Variants in GREP1 observed in about 807,000 individuals in gnomAD.
The protein encoded by GREP1 is glycine-rich extracellular protein 1.
intron 21 of GREP1, chr16:2,997,295 G>C (rs1196779383): frequency 6.3e-5 from 25 of 398,530 alleles, no homozygotes. Context: ...AGGATCCCTG[G>C]TTTCTGACTT....
Position 2,997,063 on chromosome 16 carries a change from G to A in GREP1, c.864G>A (p.Gly288=), listed in dbSNP as rs113902696. The A allele has an allele frequency of 4.9e-4, 195 of 399,196 alleles. 1 individual carries two copies. In the South Asian group the frequency reaches 8.3e-3, roughly 17 times the overall value. The allele number at this position is 399,196 out of a possible 1,614,324, so 24.7% of individuals were successfully genotyped here. ...CTTTCTCTTCACCAGGCTATTTGGG[G>A]GTTATGAAGGCCCAGAAGCCAGGTG... The change falls in exon 21 of 35, where the codon GGG becomes GGA. Residue 288 remains glycine (G), a synonymous_variant. Coordinates refer to ENST00000573315, the Ensembl canonical transcript of GREP1.
At chr16:3,000,522 G>T (rs1313250480) in intron 31 of GREP1, 192 bp from the exon 27 acceptor site, 2 of 399,084 alleles carry the variant, frequency 5.0e-6, no homozygotes, top group African/African-American at 2.1e-5. Flanking sequence ...ACAGCCCAGG[G>T]GCTAGGCGGG....
At position 2,989,383 on chromosome 16, in the gene GREP1, T is replaced by A. The variant is rs908364293; in HGVS notation, c.101-140T>A. Reference sequence around the variant, plus strand: ...TTTGTCCCCTTGTAAGTTCCCCTGCTTCCCCCTGAACCCCACAGGCTTAGG... The same window carrying A: ...TTTGTCCCCTTGTAAGTTCCCCTGCATCCCCCTGAACCCCACAGGCTTAGG... On this transcript the variant is annotated intron_variant, in intron 2 of 34. Transcript: ENST00000573315. This position sits in a 1 kb window ranked among gnomAD's most constrained non-coding sequence, Gnocchi z 4.2. 5.0e-6 allele frequency: 2 copies of A among 398,180 alleles called. No individual in the cohort carries two copies. The highest frequency in any genetic ancestry group is 2.1e-5 in the African/African-American group (1 of 48,606). 24.7% of individuals were successfully genotyped at this position (398,180 alleles called of 1,614,324 possible). A position where few individuals can be genotyped will look rare whatever the true frequency, so the allele number is the denominator to read the frequency against.
Position 2,991,269 on chromosome 16 carries a change from C to G in GREP1, c.322+168C>G, listed in dbSNP as rs1490246797. On this transcript the variant is annotated intron_variant, in intron 8 of 34. Coordinates refer to ENST00000573315, the Ensembl canonical transcript of GREP1. The surrounding 1 kb of genome is among the most constrained non-coding windows in gnomAD (Gnocchi z 4.9). ...GGGAGTGGGCGTGAAACCTCCGAAG[C>G]CAGGTGAGGCAGAGCCCTGCCCCGC... 5.0e-6 allele frequency: 2 copies of G among 396,070 alleles called. No homozygotes were observed. Among genetic ancestry groups the G allele is most frequent in the Non-Finnish European group, 8.9e-6 (2 of 225,150 alleles). The allele number at this position is 396,070 out of a possible 1,614,324, so 24.5% of individuals were successfully genotyped here. A position where few individuals can be genotyped will look rare whatever the true frequency, so the allele number is the denominator to read the frequency against.
intron 34 of GREP1, 65 bp from the exon 29 acceptor site, chr16:3,001,496 G>C: frequency 2.5e-6 from 1 of 399,110 alleles, no homozygotes; most frequent in South Asian, 1.3e-4. Flanking sequence ...TCCCTGGGAG[G>C]GGAGGAGGGG....
chr16:2,988,398 G>T (rs966162878), intron 1 of GREP1, 58 bp downstream of exon 1: 2 of 399,234 alleles, frequency 5.0e-6, no homozygotes, highest in Non-Finnish European at 8.8e-6. Flanking sequence ...ACTGGGGCTG[G>T]GGGTCCAAGT....
At chr16:2,999,781 C>T in intron 27 of GREP1, 121 bp from the exon 25 acceptor site, 3 of 398,236 alleles carry the variant, frequency 7.5e-6, no homozygotes. Flanking sequence ...TCTTCTGGTT[C>T]CATTCCCTGT....
chr16:2,999,414 A>G, intron 27 of GREP1: 1 of 355,604 alleles, frequency 2.8e-6, no homozygotes, highest in Non-Finnish European at 5.0e-6. Context: ...CTTTTTCCCT[A>G]GGCTGCCTAA....
intron 25 of GREP1, 117 bp from the exon 24 acceptor site, chr16:2,998,731 G>C (rs555855709): frequency 4.5e-4 from 180 of 398,560 alleles, no homozygotes; most frequent in Middle Eastern, 1.3e-3. Flanking sequence ...TAAGGTGCTG[G>C]GTCTGCCCTA....
chr16:3,000,573 G>C, exon 32 of GREP1: 1 of 399,038 alleles, frequency 2.5e-6, no homozygotes, highest in Non-Finnish European at 4.4e-6. Context: ...TGGAAGCTCT[G>C]GTGTACCCCA....
At position 2,998,529 on chromosome 16, in the gene GREP1, G is replaced by A. The variant is rs2072439970; in HGVS notation, c.1012+6G>A. On this transcript the variant is annotated splice_donor_region_variant and intron_variant, in intron 25 of 34. Transcript: ENST00000573315. ...TGAAAATGGGCCCTGGCCAGGTGAG[G>A]CCACTGGGACCAGGGGTGGGGGCCC... 2 of 399,044 alleles carry A rather than the reference G, an allele frequency of 5.0e-6. No homozygotes were observed. The highest frequency in any genetic ancestry group is 4.4e-6 in the Non-Finnish European group (1 of 226,142). 24.7% of individuals were successfully genotyped at this position (399,044 alleles called of 1,614,324 possible).
Position 2,989,075 on chromosome 16 carries a change from A to G in GREP1, c.101-448A>G, listed in dbSNP as rs2072385872. 1.3e-5 allele frequency: 3 copies of G among 236,272 alleles called. No individual in the cohort carries two copies. Among genetic ancestry groups the G allele is most frequent in the Non-Finnish European group, 2.4e-5 (3 of 123,476 alleles). 14.6% of individuals were successfully genotyped at this position (236,272 alleles called of 1,614,324 possible). A position where few individuals can be genotyped will look rare whatever the true frequency, so the allele number is the denominator to read the frequency against. ...CCCTGATGCATCTGAGCTTCAGGAG[A>G]GAAAGATGGGGGGCAGAGGTGGTGA... On this transcript the variant is annotated intron_variant, in intron 2 of 34. Transcript: ENST00000573315. This position sits in a 1 kb window ranked among gnomAD's most constrained non-coding sequence, Gnocchi z 4.2.
At position 2,989,636 on chromosome 16, in the gene GREP1, G is replaced by GC. The variant is rs530574191; in HGVS notation, c.130+85dup. On this transcript the variant is annotated intron_variant, in intron 3 of 34. Transcript: ENST00000573315. The surrounding 1 kb of genome is among the most constrained non-coding windows in gnomAD (Gnocchi z 4.2). ...GCAGGACAGGAACAGGGAAAGCTGGGCGGGGGGCAGGTAAAGGGGGAAGCA... is the reference window on the plus strand; with the variant it reads ...GCAGGACAGGAACAGGGAAAGCTGGGCCGGGGGGCAGGTAAAGGGGGAAGCA... 196 of 399,538 alleles carry GC rather than the reference G, an allele frequency of 4.9e-4. No homozygotes were observed. Among genetic ancestry groups the GC allele is most frequent in the African/African-American group, 3.6e-3 (177 of 48,662 alleles). The allele number at this position is 399,538 out of a possible 1,614,324, so 24.7% of individuals were successfully genotyped here.
chr16:2,991,103 T>C lies in GREP1; in HGVS notation c.322+2T>C. On this transcript the variant is annotated splice_donor_variant, in intron 8 of 34. Transcript: ENST00000573315. LOFTEE classifies it high-confidence loss of function. The surrounding 1 kb of genome is among the most constrained non-coding windows in gnomAD (Gnocchi z 4.9). ...TCCCAGTGGCCGGAGCCCAGTCAGG[T>C]GAGGAAACGTCGGGTGTGGCAGGAC... The C allele has an allele frequency of 2.5e-6, 1 of 398,564 alleles. No homozygotes were observed. Among genetic ancestry groups the C allele is most frequent in the East Asian group, 3.6e-5 (1 of 28,022 alleles). The allele number at this position is 398,564 out of a possible 1,614,324, so 24.7% of individuals were successfully genotyped here.
At chr16:2,994,500 A>T in intron 10 of GREP1, 198 bp from the exon 12 acceptor site, 2 of 388,032 alleles carry the variant, frequency 5.2e-6, no homozygotes, top group Non-Finnish European at 9.1e-6. Context: ...CAAGAGCGAG[A>T]CTCCATCTCA....
rs2072398128 is a variant in GREP1, at chr16:2,991,303, C to T, written c.322+202C>T. On this transcript the variant is annotated intron_variant, in intron 8 of 34. Coordinates refer to ENST00000573315, the Ensembl canonical transcript of GREP1. The surrounding 1 kb of genome is among the most constrained non-coding windows in gnomAD (Gnocchi z 4.9). ...GCAGAGCCCTGCCCCGCCTTGCCCACTTATATCCAGGCGCCTCTGGGTCCC... is the reference window on the plus strand; with the variant it reads ...GCAGAGCCCTGCCCCGCCTTGCCCATTTATATCCAGGCGCCTCTGGGTCCC... The T allele has an allele frequency of 2.5e-6, 1 of 392,694 alleles. No individual in the cohort carries two copies. Among genetic ancestry groups the T allele is most frequent in the Non-Finnish European group, 4.5e-6 (1 of 223,056 alleles). The allele number at this position is 392,694 out of a possible 1,614,324, so 24.3% of individuals were successfully genotyped here. A position where few individuals can be genotyped will look rare whatever the true frequency, so the allele number is the denominator to read the frequency against.
At chr16:2,990,981 C>T in intron 7 of GREP1, 67 bp from the exon 7 acceptor site, 1 of 399,198 alleles carries the variant, frequency 2.5e-6, no homozygotes, top group East Asian at 3.6e-5. Context: ...ACTTCCCACC[C>T]TCTGTCTCTG....
chr16:2,992,992 G>A lies in GREP1; in HGVS notation c.385+29G>A, dbSNP rs930329080. The A allele has an allele frequency of 5.0e-6, 2 of 398,890 alleles. No individual in the cohort carries two copies. Among genetic ancestry groups the A allele is most frequent in the Non-Finnish European group, 8.8e-6 (2 of 226,070 alleles). 24.7% of individuals were successfully genotyped at this position (398,890 alleles called of 1,614,324 possible). On this transcript the variant is annotated intron_variant, in intron 10 of 34. Coordinates refer to ENST00000573315, the Ensembl canonical transcript of GREP1. This position sits in a 1 kb window ranked among gnomAD's most constrained non-coding sequence, Gnocchi z 4.9. ...AGCCACTCCCTGTCCCTGTCTCCCT[G>A]CCCATTTCCTATGCATCTGCCGCTG...
chr16:2,995,608 T>C lies in GREP1; in HGVS notation c.554-11T>C, dbSNP rs1052259928. ...ACCCCAAATCCCCACCCCACCCTCC[T>C]CTCCCCATAGTCTTGACAGCCCAGA... On this transcript the variant is annotated splice_polypyrimidine_tract_variant and intron_variant, in intron 15 of 34. Coordinates refer to ENST00000573315, the Ensembl canonical transcript of GREP1. The C allele has an allele frequency of 5.0e-6, 2 of 397,400 alleles. No individual in the cohort carries two copies. Among genetic ancestry groups the C allele is most frequent in the African/African-American group, 2.1e-5 (1 of 48,404 alleles). The allele number at this position is 397,400 out of a possible 1,614,324, so 24.6% of individuals were successfully genotyped here.
Sources: gnomAD v4.1 joint callset for allele counts on GRCh38, gnomAD v4.1.1 for gene constraint, Gnocchi (gnomAD v3.1) non-coding constraint, MANE v1.5 for transcripts, NCBI Gene and HGNC (gene_info 2026-07-23, HGNC 2026-07-21) for gene names.